Variants in GREB1 observed in about 807,000 individuals in gnomAD.
The protein encoded by GREB1 is protein GREB1.
In GREB1, 106 loss-of-function variants were observed where a neutral mutation model predicts 200.7. That is an observed-to-expected ratio of 0.53 (90% confidence interval 0.45 to 0.62). The LOEUF is 0.62. Among genes scored for constraint, GREB1 ranks in the 20% least tolerant of loss-of-function variants. GREB1 has a pLI of 0.00. For missense variants in GREB1, 2,243 were observed against 2,556.8 expected (o/e 0.88, Z 2.65); for synonymous variants, 1,132 against 1,092.4 (o/e 1.04, Z -0.72).
At chr2:11,518,948 A>C (rs559860011) in intron 1 of GREB1, among the ~76,000 whole-genome samples, 1 of 151,826 alleles carries the variant, frequency 6.6e-6, no homozygotes, top group East Asian at 1.9e-4. Context: ...AAAATACAAA[A>C]AATTAGTTGG....
At chr2:11,571,362 CT>C (rs1372370129) in intron 4 of GREB1, among the ~76,000 whole-genome samples, 3 of 152,184 alleles carry the variant, frequency 2.0e-5, no homozygotes, top group Non-Finnish European at 2.9e-5. Context: ...CTGGAATTGC[CT>C]TCCTAAATTA....
At chr2:11,559,568 G>T (rs1676778193) in intron 2 of GREB1, among the ~76,000 whole-genome samples, 1 of 152,168 alleles carries the variant, frequency 6.6e-6, no homozygotes. Flanking sequence ...GGGGGCTGCT[G>T]GTTTTAGTTC....
At chr2:11,563,364 T>C (rs904963422) in intron 3 of GREB1, among the ~76,000 whole-genome samples, 1 of 152,216 alleles carries the variant, frequency 6.6e-6, no homozygotes, top group African/African-American at 2.4e-5. Context: ...ATGGTACAGT[T>C]TCACTGTTGA....
rs3035991 is a variant in GREB1 at position 11,605,144 on chromosome 2, CTTTT to C, written c.2666+2631_2666+2634del. ...TGGAGCTGGGCACCAGAGCCTGCTT[CTTTT>C]TTTTTTTTTTTTTTTTTTTTTTTTT... On this transcript the variant is annotated intron_variant, in intron 17 of 32. Coordinates refer to ENST00000381486, the MANE Select transcript of GREB1 (RefSeq NM_014668.4). 9.6e-3 allele frequency among the ~76,000 whole-genome samples: 428 copies of C among 44,704 alleles called. 2 individuals carry two copies. The highest frequency in any genetic ancestry group is 0.023 in the African/African-American group (409 of 17,480). 29.3% of individuals were successfully genotyped at this position (44,704 alleles called of 152,430 possible). A position where few individuals can be genotyped will look rare whatever the true frequency, so the allele number is the denominator to read the frequency against.
At chr2:11,591,855 C>T (rs1190437264) in intron 10 of GREB1, 1 of 204,112 alleles carries the variant, frequency 4.9e-6, no homozygotes, top group Non-Finnish European at 8.9e-6. Flanking sequence ...TAACAGCACT[C>T]TTTATGTTGG....
intron 1 of GREB1, among the ~76,000 whole-genome samples, chr2:11,516,311 G>GGTGT (rs60141733): frequency 0.11 from 15,751 of 143,858 alleles, 926 homozygotes; most frequent in Non-Finnish European, 0.13. Context: ...TTTTCCTGCA[G>GGTGT]GTGTGTGTGT....
intron 1 of GREB1, among the ~76,000 whole-genome samples, chr2:11,490,054 A>G (rs751032288): frequency 6.6e-6 from 1 of 151,038 alleles, no homozygotes; most frequent in Non-Finnish European, 1.5e-5. Context: ...TTATAATACA[A>G]TTTTACAGTT....
intron 1 of GREB1, among the ~76,000 whole-genome samples, chr2:11,546,624 T>C (rs1017855680): frequency 1.3e-5 from 2 of 152,218 alleles, no homozygotes; most frequent in African/African-American, 4.8e-5. Context: ...ATAGGGACTT[T>C]ACAAACTTTC....
intron 1 of GREB1, among the ~76,000 whole-genome samples, chr2:11,507,403 CAA>C (rs11400364): frequency 1.4e-5 from 2 of 139,046 alleles, no homozygotes; most frequent in African/African-American, 2.7e-5. Context: ...AGCAAGACTC[CAA>C]AAAAAAAAAA....
intron 19 of GREB1, among the ~76,000 whole-genome samples, chr2:11,614,537 C>G (rs556013948): frequency 1.3e-5 from 2 of 152,038 alleles, no homozygotes; most frequent in African/African-American, 2.4e-5. Flanking sequence ...AGCTCAGGTT[C>G]AAGCCCCCCC....
chr2:11,495,919 CTT>C (rs1283959394), intron 1 of GREB1, among the ~76,000 whole-genome samples: 1 of 151,498 alleles, frequency 6.6e-6, no homozygotes, highest in African/African-American at 2.4e-5. Context: ...CCTCTTCTGT[CTT>C]TGCAGCAGCC....
At chr2:11,621,631 G>T (rs1684023504) in intron 23 of GREB1, among the ~76,000 whole-genome samples, 1 of 152,120 alleles carries the variant, frequency 6.6e-6, no homozygotes, top group African/African-American at 2.4e-5. Context: ...TCATAAACTT[G>T]GTCTGGTCAA....
intron 1 of GREB1, among the ~76,000 whole-genome samples, chr2:11,505,458 C>T (rs551858721): frequency 2.0e-5 from 3 of 152,310 alleles, no homozygotes; most frequent in African/African-American, 7.2e-5. Context: ...GCAGTTCTCT[C>T]CAGCTCTTCT....
At chr2:11,541,040 A>G (rs1038627734) in intron 1 of GREB1, among the ~76,000 whole-genome samples, 11 of 152,146 alleles carry the variant, frequency 7.2e-5, no homozygotes, top group African/African-American at 2.7e-4. Flanking sequence ...GGAAGTTAGA[A>G]GAGGAGGGAG....
chr2:11,550,650 C>T (rs932293667), intron 1 of GREB1, among the ~76,000 whole-genome samples: 12 of 152,206 alleles, frequency 7.9e-5, no homozygotes, highest in African/African-American at 2.9e-4. Flanking sequence ...GTTTGCTCCT[C>T]AGGAGGCCTC....
At chr2:11,586,586 CACAT>C (rs1680120533) in intron 9 of GREB1, among the ~76,000 whole-genome samples, 2 of 152,206 alleles carry the variant, frequency 1.3e-5, no homozygotes, top group African/African-American at 2.4e-5. Flanking sequence ...TGGCAACACA[CACAT>C]ACATACACGC....
At chr2:11,590,912 C>T (rs1051518680) in intron 10 of GREB1, among the ~76,000 whole-genome samples, 9 of 152,088 alleles carry the variant, frequency 5.9e-5, no homozygotes, top group African/African-American at 1.2e-4. Flanking sequence ...CCAGTGTGGC[C>T]GGGAGTTGAG....
chr2:11,561,788 G>C (rs1223776664), intron 2 of GREB1: 1 of 152,234 alleles, frequency 6.6e-6, no homozygotes, highest in South Asian at 2.1e-4. Flanking sequence ...ACAATGTGCC[G>C]TTTGACAGCT....
intron 17 of GREB1, among the ~76,000 whole-genome samples, chr2:11,603,970 A>G (rs774597679): frequency 6.6e-6 from 1 of 152,246 alleles, no homozygotes; most frequent in Non-Finnish European, 1.5e-5. Context: ...TGGGGGGTTT[A>G]TAGTGAAACT....
Sources: allele counts gnomAD v4.1 joint callset (sites outside exome capture counted in the v4.1 genomes callset), GRCh38; gene constraint gnomAD v4.1.1; transcripts MANE v1.5; gene names NCBI Gene and HGNC (gene_info 2026-07-23, HGNC 2026-07-21).